The following SLC10A7 variants were observed in gnomAD, a reference collection of about 807,000 sequenced individuals.
SLC10A7 encodes the protein sodium/bile acid cotransporter 7.
A neutral mutation model predicts 43.2 loss-of-function variants in SLC10A7; 29 were observed. That is an observed-to-expected ratio of 0.67 (90% CI 0.50 to 0.92). The LOEUF (loss-of-function observed/expected upper bound fraction) is 0.92, where lower values mean the gene tolerates loss of function less well. Among genes scored for constraint, SLC10A7 ranks in the 40% least tolerant of loss-of-function variants. The probability of loss-of-function intolerance (pLI) is 0.00; values close to 1 mark genes in which losing one functional copy is unlikely to be tolerated. For missense variants in SLC10A7, 295 were observed against 403.2 expected (o/e 0.73, Z 2.30); for synonymous variants, 152 against 144.8 (o/e 1.05, Z -0.35).
intron 10 of SLC10A7, among the ~76,000 whole-genome samples, chr4:146,277,374 T>C (rs1326175262): frequency 6.6e-6 from 1 of 152,184 alleles, no homozygotes; most frequent in Non-Finnish European, 1.5e-5. Context: ...AGATACCATA[T>C]TCTGAATAAA....
chr4:146,304,804 T>C (rs1443910326), intron 7 of SLC10A7, among the ~76,000 whole-genome samples: 1 of 152,116 alleles, frequency 6.6e-6, no homozygotes, highest in East Asian at 1.9e-4. Flanking sequence ...CTGGGTATCC[T>C]TGTTGACTTT....
At chr4:146,263,090 A>G (rs914839449) in intron 10 of SLC10A7, among the ~76,000 whole-genome samples, 3 of 152,172 alleles carry the variant, frequency 2.0e-5, no homozygotes, top group African/African-American at 7.2e-5. Context: ...TAGGCTTTGC[A>G]CCTGAGCTCT....
At chr4:146,334,193 A>G (rs1733726057) in intron 5 of SLC10A7, among the ~76,000 whole-genome samples, 1 of 152,080 alleles carries the variant, frequency 6.6e-6, no homozygotes, top group African/African-American at 2.4e-5. Context: ...AAGGCCTCCA[A>G]CTAGAGATAC....
chr4:146,324,462 T>A (rs1051882795), intron 6 of SLC10A7, among the ~76,000 whole-genome samples: 1 of 152,176 alleles, frequency 6.6e-6, no homozygotes, highest in South Asian at 2.1e-4. Context: ...AGCCACCTAA[T>A]TGTGGCTGTA....
intron 5 of SLC10A7, among the ~76,000 whole-genome samples, chr4:146,416,116 G>A (rs560350502): frequency 3.3e-5 from 5 of 152,316 alleles, no homozygotes; most frequent in Admixed American, 2.6e-4. Flanking sequence ...GAAAGACTGA[G>A]TGAGAATGAT....
intron 5 of SLC10A7, among the ~76,000 whole-genome samples, chr4:146,351,346 G>C (rs1376680680): frequency 6.6e-6 from 1 of 151,928 alleles, no homozygotes; most frequent in Non-Finnish European, 1.5e-5. Context: ...AGAATAAAAA[G>C]AAATGAGCAA....
At chr4:146,411,856 A>G (rs1436860549) in intron 5 of SLC10A7, among the ~76,000 whole-genome samples, 1 of 152,188 alleles carries the variant, frequency 6.6e-6, no homozygotes, top group Non-Finnish European at 1.5e-5. Flanking sequence ...AAACTTACAT[A>G]ATGAAGCTCG....
intron 7 of SLC10A7, among the ~76,000 whole-genome samples, chr4:146,295,897 G>A (rs537746991): frequency 6.6e-6 from 1 of 152,250 alleles, no homozygotes; most frequent in Non-Finnish European, 1.5e-5. Flanking sequence ...GTTATAGAAT[G>A]TATGATCCCA....
intron 5 of SLC10A7, among the ~76,000 whole-genome samples, chr4:146,342,455 ATC>A (rs1374638560): frequency 6.6e-6 from 1 of 151,792 alleles, no homozygotes; most frequent in African/African-American, 2.4e-5. Flanking sequence ...AGAAATAAAT[ATC>A]TGTTTTGGAC....
intron 6 of SLC10A7, among the ~76,000 whole-genome samples, chr4:146,316,804 C>A (rs1247089920): frequency 2.6e-5 from 4 of 152,056 alleles, no homozygotes; most frequent in Non-Finnish European, 4.4e-5. Context: ...TGATTAATAT[C>A]TGAAGTAGTT....
In SLC10A7 at chr4:146,305,856, G is replaced by T. The variant is rs541282198; in HGVS notation, c.555+70C>A. On this transcript the variant is annotated intron_variant, in intron 7 of 11. Coordinates refer to ENST00000335472, the MANE Select transcript of SLC10A7 (RefSeq NM_001029998.6). Reference sequence around the variant, plus strand: ...CCTCTGAATATCCTTTCTCTCAACTGCTCTGACATTATGTAAGATTTCACA... The same window carrying T: ...CCTCTGAATATCCTTTCTCTCAACTTCTCTGACATTATGTAAGATTTCACA... 32 of 1,330,076 alleles carry T rather than the reference G, an allele frequency of 2.4e-5. No homozygotes were observed. The South Asian group carries it at 4.0e-4, about 17-fold the overall frequency. The allele number at this position is 1,330,076 out of a possible 1,614,324, so 82.4% of individuals were successfully genotyped here. A position where few individuals can be genotyped will look rare whatever the true frequency, so the allele number is the denominator to read the frequency against.
chr4:146,487,951 G>A (rs1735062577), intron 4 of SLC10A7, among the ~76,000 whole-genome samples: 1 of 151,716 alleles, frequency 6.6e-6, no homozygotes, highest in South Asian at 2.1e-4. Flanking sequence ...CCCAGCTGCT[G>A]GGAGGTAGGA....
chr4:146,519,835 T>C (rs1484251978), intron 1 of SLC10A7, among the ~76,000 whole-genome samples: 2 of 152,108 alleles, frequency 1.3e-5, no homozygotes, highest in African/African-American at 4.8e-5. Context: ...CTTTAAATAT[T>C]CCCCTCCCCC....
intron 10 of SLC10A7, among the ~76,000 whole-genome samples, chr4:146,266,028 C>T (rs556321384): frequency 2.6e-5 from 4 of 152,316 alleles, no homozygotes; most frequent in South Asian, 2.1e-4. Context: ...AAGATTCATT[C>T]GCCTGAATTT....
chr4:146,305,408 C>G (rs113865483), intron 7 of SLC10A7, among the ~76,000 whole-genome samples: 10,898 of 129,526 alleles, frequency 0.084, 550 homozygotes, highest in East Asian at 0.23. Flanking sequence ...GGGAACATCA[C>G]ACTCTGGGGA....
chr4:146,363,953 C>G lies in SLC10A7; in HGVS notation c.436-37957G>C, dbSNP rs538461009. 1.1e-4 allele frequency among the ~76,000 whole-genome samples: 16 copies of G among 151,796 alleles called. No individual in the cohort carries two copies. The East Asian group carries it at 1.9e-3, about 18-fold the overall frequency. Reference sequence around the variant, plus strand: ...AATGAATCGTAAAGAACTAAAAAAGCAAGAGCACACCAAACACAAAATTAA... The same window carrying G: ...AATGAATCGTAAAGAACTAAAAAAGGAAGAGCACACCAAACACAAAATTAA... On this transcript the variant is annotated intron_variant, in intron 5 of 11. Transcript: ENST00000335472.
rs892863925 is a variant in SLC10A7 at position 146,406,995 on chromosome 4, A to AAAC, written c.435+35785_435+35787dup. 5.3e-5 allele frequency among the ~76,000 whole-genome samples: 8 copies of AAAC among 152,158 alleles called. No homozygotes were observed. The East Asian group carries it at 7.7e-4, about 15-fold the overall frequency. ...GAGACTACATCTGAAAAAACAAAAC[A>AAAC]AACAACAACAACAACAAAAAAGTGT... On this transcript the variant is annotated intron_variant, in intron 5 of 11. Transcript: ENST00000335472.
intron 5 of SLC10A7, among the ~76,000 whole-genome samples, chr4:146,345,426 G>A (rs1185617028): frequency 6.6e-6 from 1 of 152,116 alleles, no homozygotes; most frequent in Non-Finnish European, 1.5e-5. Context: ...ACAACATTCT[G>A]TATTATCTGC....
rs1729660988 is a variant in SLC10A7 at position 146,283,236 on chromosome 4, G to C, written c.803C>G (p.Thr268Arg). Residue 268 changes from threonine (T) to arginine (R), a missense_variant, in exon 10 of 12, where the codon ACA becomes AGA. This residue lies in a region of SLC10A7 where 242 missense variants were observed against 362.5 expected (regional missense o/e 0.67). Coordinates refer to ENST00000335472, the MANE Select transcript of SLC10A7 (RefSeq NM_001029998.6). The stretch of plus-strand genomic sequence containing the variant: ...TGTAGAACAGAAAATGATAGCCACT[G>C]TGTCTGCTGGTGTGAAACCCGAATT... ...RNNSGFTPAD[T>R]VAIIFCSTHK... The C allele has an allele frequency of 1.9e-6, 3 of 1,613,420 alleles. No homozygotes were observed. Among genetic ancestry groups the C allele is most frequent in the Non-Finnish European group, 2.5e-6 (3 of 1,179,560 alleles).
Sources: gnomAD v4.1 joint callset for allele counts (sites outside exome capture counted in the v4.1 genomes callset) on GRCh38, gnomAD v4.1.1 for gene constraint, gnomAD v4.1.1 regional missense constraint, MANE v1.5 for transcripts, NCBI Gene and HGNC (gene_info 2026-07-23, HGNC 2026-07-21) for gene names.